The following GDPD5 variants were observed in gnomAD, a reference collection of about 807,000 sequenced individuals.
The protein encoded by GDPD5 is glycerophosphodiester phosphodiesterase 2.
A neutral mutation model predicts 75.1 loss-of-function variants in GDPD5; 48 were observed. The observed-to-expected ratio is 0.64, with a 90% confidence interval of 0.51 to 0.81. The LOEUF (loss-of-function observed/expected upper bound fraction) is 0.81. Among genes scored for constraint, GDPD5 ranks in the 40% least tolerant of loss-of-function variants. GDPD5 has a pLI of 0.00. For synonymous variants in GDPD5, 336 were observed against 339.0 expected, an observed-to-expected ratio of 0.99 and a Z score of 0.10; for missense variants, 706 against 822.6, an observed-to-expected ratio of 0.86 and a Z score of 1.73.
At chr11:75,506,545 G>C (rs1482259958) in intron 1 of GDPD5, 1 of 152,296 alleles carries the variant, frequency 6.6e-6, no homozygotes, top group African/African-American at 2.4e-5. Context: ...TTCCATCCCA[G>C]CTGTCCATTA....
intron 4 of GDPD5, 50 bp downstream of exon 4, chr11:75,462,735 TG>T: frequency 7.2e-7 from 1 of 1,394,556 alleles, no homozygotes; most frequent in Non-Finnish European, 1.0e-6. Flanking sequence ...TCCCAGCTAC[TG>T]GATACCCAGC....
In GDPD5 at chr11:75,474,723, C is replaced by T. The variant is rs1229723828; in HGVS notation, c.117+2896G>A. ...GGGCCCTTCCCAGGCTCTCTCCACG[C>T]ACCCTCTCCACTCCCAGGATCCACT... On this transcript the variant is annotated intron_variant, in intron 3 of 16. Transcript: ENST00000336898. Among the ~76,000 whole-genome samples, 4 of 152,212 alleles carry T rather than the reference C, an allele frequency of 2.6e-5. No individual in the cohort carries two copies. The South Asian group carries it at 6.2e-4, about 24-fold the overall frequency.
At chr11:75,459,916 C>G (rs763418704) in intron 4 of GDPD5, among the ~76,000 whole-genome samples, 4 of 152,050 alleles carry the variant, frequency 2.6e-5, no homozygotes, top group Non-Finnish European at 4.4e-5. Flanking sequence ...AAAATCTGAG[C>G]GCTGGGCAGC....
intron 3 of GDPD5, among the ~76,000 whole-genome samples, chr11:75,466,796 A>G (rs1949526247): frequency 6.6e-6 from 1 of 152,058 alleles, no homozygotes; most frequent in South Asian, 2.1e-4. Flanking sequence ...GCTTTTTGCT[A>G]ATTTGCATAA....
chr11:75,456,244 C>G (rs757977939), intron 6 of GDPD5, among the ~76,000 whole-genome samples: 99 of 152,102 alleles, frequency 6.5e-4, no homozygotes, highest in Non-Finnish European at 1.2e-3. Flanking sequence ...CCAGATCATG[C>G]CAGGTAGGGA....
chr11:75,448,948 G>A (rs1470448883), intron 9 of GDPD5, 29 bp downstream of exon 9: 3 of 1,534,068 alleles, frequency 2.0e-6, no homozygotes. Context: ...ACCCCAACGG[G>A]GCTGTTAGGA....
chr11:75,463,168 C>T (rs1033414249), intron 3 of GDPD5, among the ~76,000 whole-genome samples: 1 of 152,210 alleles, frequency 6.6e-6, no homozygotes, highest in Non-Finnish European at 1.5e-5. Flanking sequence ...GCCTTTCCAT[C>T]GTGTACTGCT....
At chr11:75,444,999 T>G (rs1173582299) in intron 9 of GDPD5, among the ~76,000 whole-genome samples, 1 of 152,014 alleles carries the variant, frequency 6.6e-6, no homozygotes, top group Non-Finnish European at 1.5e-5. Context: ...ATGGTAGAGT[T>G]TCAGTGCGGG....
chr11:75,478,406 A>G (rs1317769522), intron 2 of GDPD5, among the ~76,000 whole-genome samples: 1 of 152,158 alleles, frequency 6.6e-6, no homozygotes, highest in African/African-American at 2.4e-5. Flanking sequence ...TCAGCCTCCC[A>G]AAGTGCTGGG....
intron 1 of GDPD5, among the ~76,000 whole-genome samples, chr11:75,503,953 C>T (rs565357705): frequency 1.3e-5 from 2 of 152,336 alleles, no homozygotes; most frequent in East Asian, 3.9e-4. Context: ...AAGGACAAGG[C>T]TTGCGGATCT....
intron 9 of GDPD5, among the ~76,000 whole-genome samples, chr11:75,445,006 C>T (rs565801574): frequency 2.6e-5 from 4 of 152,216 alleles, no homozygotes; most frequent in East Asian, 1.9e-4. Context: ...AGTTTCAGTG[C>T]GGGACCAGTT....
intron 1 of GDPD5, among the ~76,000 whole-genome samples, chr11:75,513,905 T>C (rs1173127048): frequency 1.3e-5 from 2 of 152,204 alleles, no homozygotes; most frequent in Non-Finnish European, 2.9e-5. Flanking sequence ...CCAGGTGCCA[T>C]GGGAGCTGCC....
chr11:75,494,867 G>T (rs61897416), intron 1 of GDPD5, among the ~76,000 whole-genome samples: 2 of 151,720 alleles, frequency 1.3e-5, no homozygotes, highest in Non-Finnish European at 2.9e-5. Context: ...CAGGAGAATC[G>T]CTTGAATCAG....
chr11:75,478,894 G>T (rs773407483), intron 2 of GDPD5, among the ~76,000 whole-genome samples: 3 of 152,208 alleles, frequency 2.0e-5, no homozygotes, highest in Non-Finnish European at 4.4e-5. Context: ...AGCAATGCCT[G>T]GCTGCTGTCC....
intron 3 of GDPD5, 52 bp from the exon 4 acceptor site, chr11:75,462,941 G>A: frequency 6.9e-7 from 1 of 1,443,458 alleles, no homozygotes; most frequent in South Asian, 1.2e-5. Context: ...CAGCCCCTTA[G>A]GCTGCCTCCC....
Position 75,473,370 on chromosome 11 carries a change from C to A in GDPD5, c.117+4249G>T, listed in dbSNP as rs551875374. Among the ~76,000 whole-genome samples, 3 of 152,222 alleles carry A rather than the reference C, an allele frequency of 2.0e-5. No homozygotes were observed. In the South Asian group the frequency reaches 6.2e-4, roughly 32 times the overall value. ...CAGGATGGGCCTCCATCCACCCACG[C>A]TGGGCATCATGGGAGGATGGGAGGA... On this transcript the variant is annotated intron_variant, in intron 3 of 16. Transcript: ENST00000336898.
chr11:75,472,321 T>A (rs550470673), intron 3 of GDPD5, among the ~76,000 whole-genome samples: 1 of 152,272 alleles, frequency 6.6e-6, no homozygotes, highest in East Asian at 1.9e-4. Flanking sequence ...CTGGAGCCCA[T>A]CTCAAGGCTG....
At chr11:75,493,190 C>T (rs570466302) in intron 1 of GDPD5, among the ~76,000 whole-genome samples, 2 of 151,688 alleles carry the variant, frequency 1.3e-5, no homozygotes, top group Admixed American at 1.3e-4. Flanking sequence ...ACCCACCCCC[C>T]GAACACCCTT....
intron 13 of GDPD5, among the ~76,000 whole-genome samples, 162 bp from the exon 14 acceptor site, chr11:75,441,472 C>T (rs552513006): frequency 1.2e-4 from 18 of 152,322 alleles, no homozygotes; most frequent in Admixed American, 9.1e-4. Context: ...CGGGTCTGCC[C>T]GACACGCTCA....
Sources: gnomAD v4.1 joint callset for allele counts (sites outside exome capture counted in the v4.1 genomes callset) on GRCh38, gnomAD v4.1.1 for gene constraint, MANE v1.5 for transcripts, NCBI Gene and HGNC (gene_info 2026-07-23, HGNC 2026-07-21) for gene names.